The following PRICKLE2 variants were observed in gnomAD, a reference collection of about 807,000 sequenced individuals.
PRICKLE2 encodes prickle-like protein 2.
In PRICKLE2, 21 loss-of-function variants were observed where a neutral mutation model predicts 81.4. The ratio of observed to expected loss-of-function variants is 0.26; its 90% CI spans 0.18 to 0.37. PRICKLE2 has a LOEUF of 0.37. Ranked by LOEUF, PRICKLE2 falls within the 10% of genes least tolerant of loss-of-function variation. The pLI is 1.00. For missense variants in PRICKLE2, 940 were observed against 1,109.0 expected, an observed-to-expected ratio of 0.85 and a Z score of 2.16; for synonymous variants, 456 against 421.5, an observed-to-expected ratio of 1.08 and a Z score of -1.00.
At chr3:64,135,429 C>T (rs996666868) in intron 7 of PRICKLE2, among the ~76,000 whole-genome samples, 2 of 152,100 alleles carry the variant, frequency 1.3e-5, no homozygotes, top group African/African-American at 4.8e-5. Flanking sequence ...GGGAGAAATA[C>T]ACCTGCCTTA....
At chr3:64,224,149 C>T (rs1398457440) in intron 1 of PRICKLE2, among the ~76,000 whole-genome samples, 4 of 152,178 alleles carry the variant, frequency 2.6e-5, no homozygotes, top group African/African-American at 4.8e-5. Context: ...TCGCTAACCT[C>T]AGTGTGATTT....
At chr3:64,137,868 C>T (rs1334662779) in intron 7 of PRICKLE2, among the ~76,000 whole-genome samples, 2 of 152,118 alleles carry the variant, frequency 1.3e-5, no homozygotes, top group African/African-American at 4.8e-5. Flanking sequence ...TCTATGGGAC[C>T]AGTCAGAAGG....
chr3:64,236,246 A>G (rs2107165978), intron 2 of PRICKLE2, among the ~76,000 whole-genome samples: 1 of 152,298 alleles, frequency 6.6e-6, no homozygotes, highest in South Asian at 2.1e-4. Flanking sequence ...GCTTTATGTC[A>G]GTTTTATTCA....
intron 2 of PRICKLE2, among the ~76,000 whole-genome samples, chr3:64,185,464 C>T (rs2078210779): frequency 6.6e-6 from 1 of 152,204 alleles, no homozygotes; most frequent in South Asian, 2.1e-4. Flanking sequence ...ATAACAACTA[C>T]CACCACTGTT....
intron 1 of PRICKLE2, among the ~76,000 whole-genome samples, chr3:64,201,365 T>C (rs893512966): frequency 2.0e-5 from 3 of 152,242 alleles, no homozygotes; most frequent in Non-Finnish European, 4.4e-5. Flanking sequence ...CCACCACTGA[T>C]GAATGAGTGT....
At chr3:64,166,131 T>C (rs557301051) in intron 2 of PRICKLE2, among the ~76,000 whole-genome samples, 8 of 152,248 alleles carry the variant, frequency 5.3e-5, no homozygotes, top group African/African-American at 1.9e-4. Context: ...CTGAGCCCAG[T>C]GTCCTCTTAC....
At chr3:64,206,089 G>A (rs1401437402) in intron 1 of PRICKLE2, among the ~76,000 whole-genome samples, 1 of 152,198 alleles carries the variant, frequency 6.6e-6, no homozygotes, top group East Asian at 1.9e-4. Flanking sequence ...GAAACTCTTA[G>A]ATAAATAATA....
At chr3:64,104,450 C>A (rs903617664) in intron 7 of PRICKLE2, 1 of 152,214 alleles carries the variant, frequency 6.6e-6, no homozygotes, top group Non-Finnish European at 1.5e-5. Flanking sequence ...ACTATTAATT[C>A]CCCAGCATGC....
intron 2 of PRICKLE2, among the ~76,000 whole-genome samples, chr3:64,258,362 C>A (rs2079559095): frequency 6.6e-6 from 1 of 152,158 alleles, no homozygotes; most frequent in South Asian, 2.1e-4. Flanking sequence ...ATCTATTTAA[C>A]AATGGAACCC....
At position 64,118,796 on chromosome 3, in the gene PRICKLE2, A is replaced by G. The variant is rs545518886; in HGVS notation, c.1661-18871T>C. ...CTTGGTGAGGGTGTCGATTAGTTCA[A>G]CCACTGTGGAAGACAGTGTGGTAAT... On this transcript the variant is annotated intron_variant, in intron 7 of 7. Coordinates refer to ENST00000638394, the MANE Select transcript of PRICKLE2 (RefSeq NM_198859.4). 2.0e-5 allele frequency among the ~76,000 whole-genome samples: 3 copies of G among 152,244 alleles called. No individual in the cohort carries two copies. The East Asian group carries it at 5.8e-4, about 29-fold the overall frequency.
chr3:64,216,888 G>T (rs974410270), intron 1 of PRICKLE2, among the ~76,000 whole-genome samples: 8 of 152,146 alleles, frequency 5.3e-5, no homozygotes, highest in African/African-American at 1.4e-4. Flanking sequence ...CAAGGGTGGG[G>T]GTGTCATCTT....
At chr3:64,208,150 G>A (rs2078722788) in intron 1 of PRICKLE2, among the ~76,000 whole-genome samples, 1 of 152,134 alleles carries the variant, frequency 6.6e-6, no homozygotes, top group East Asian at 1.9e-4. Flanking sequence ...TAGACTGCAG[G>A]CTGCCTAGAA....
At chr3:64,220,376 G>A (rs768654593) in intron 1 of PRICKLE2, among the ~76,000 whole-genome samples, 1 of 152,198 alleles carries the variant, frequency 6.6e-6, no homozygotes, top group Non-Finnish European at 1.5e-5. Flanking sequence ...AGCACTCCCA[G>A]TGTGAGAGGA....
At chr3:64,248,474 A>G (rs1291589253) in intron 2 of PRICKLE2, among the ~76,000 whole-genome samples, 1 of 152,180 alleles carries the variant, frequency 6.6e-6, no homozygotes, top group Non-Finnish European at 1.5e-5. Flanking sequence ...TAATGATTAA[A>G]GTCCACCTCT....
intron 2 of PRICKLE2, among the ~76,000 whole-genome samples, chr3:64,182,055 A>C (rs942394816): frequency 1.3e-5 from 2 of 151,916 alleles, no homozygotes; most frequent in African/African-American, 2.4e-5. Context: ...GGAAGCTTGG[A>C]GTTCTTGAAG....
intron 2 of PRICKLE2, among the ~76,000 whole-genome samples, chr3:64,263,626 G>A (rs760500010): frequency 6.6e-6 from 1 of 152,162 alleles, no homozygotes; most frequent in Non-Finnish European, 1.5e-5. Context: ...TCAACTTTCT[G>A]GGGCTGTGTA....
Position 64,098,852 on chromosome 3 carries a change from G to A in PRICKLE2, c.*199C>T, listed in dbSNP as rs1307579905. The A allele has an allele frequency of 4.7e-6, 3 of 634,172 alleles. No homozygotes were observed. The highest frequency in any genetic ancestry group is 8.4e-6 in the Non-Finnish European group (3 of 358,522). 39.3% of individuals were successfully genotyped at this position (634,172 alleles called of 1,614,324 possible). ...GTCTACTGTGTTTCCAAAGTGAAAT[G>A]TGCAAATAATATTCAACATGCCAAG... is the stretch of plus-strand genomic sequence containing the variant. On this transcript the variant is annotated 3_prime_UTR_variant, in exon 8 of 8. Coordinates refer to ENST00000638394, the MANE Select transcript of PRICKLE2 (RefSeq NM_198859.4).
chr3:64,255,402 A>T (rs1365598318), intron 2 of PRICKLE2, among the ~76,000 whole-genome samples: 1 of 152,150 alleles, frequency 6.6e-6, no homozygotes. Flanking sequence ...ACTAAAGGGG[A>T]ATGTTGCCAT....
chr3:64,246,247 A>C (rs984360923), intron 2 of PRICKLE2, among the ~76,000 whole-genome samples: 1 of 152,110 alleles, frequency 6.6e-6, no homozygotes, highest in Non-Finnish European at 1.5e-5. Flanking sequence ...ATCTCAAAAA[A>C]ACAAAAACAA....
Sources: gnomAD v4.1 joint callset for allele counts (sites outside exome capture counted in the v4.1 genomes callset) on GRCh38, gnomAD v4.1.1 for gene constraint, MANE v1.5 for transcripts, NCBI Gene and HGNC (gene_info 2026-07-23, HGNC 2026-07-21) for gene names.